CPOX: variants seen among roughly 807,000 people sequenced by gnomAD.
CPOX encodes coproporphyrinogen oxidase, also known as oxygen-dependent coproporphyrinogen-III oxidase, mitochondrial.
CPOX carries 24 observed loss-of-function variants against 48.9 expected under a neutral mutation model. That is an observed-to-expected ratio of 0.49 (90% confidence interval 0.36 to 0.69). CPOX has a LOEUF of 0.69. CPOX is among the 30% of genes least tolerant of loss of function. CPOX has a pLI of 0.00. For missense variants in CPOX, 549 were observed against 597.3 expected, an observed-to-expected ratio of 0.92 and a Z score of 0.84; for synonymous variants, 249 against 234.6, an observed-to-expected ratio of 1.06 and a Z score of -0.56.
downstream of CPOX, among the ~76,000 whole-genome samples, chr3:98,576,439 TGGGGATTTG>T (rs928635663): frequency 2.6e-5 from 4 of 152,178 alleles, no homozygotes; most frequent in African/African-American, 9.7e-5. Flanking sequence ...CCTTGACACC[TGGGGATTTG>T]GGGGATTACA....
the CPOX span, among the ~76,000 whole-genome samples, chr3:98,571,343 A>G: frequency 1.3e-5 from 2 of 152,148 alleles, no homozygotes; most frequent in Non-Finnish European, 2.9e-5. Flanking sequence ...TGATTGAGAA[A>G]TAGTTTATTT....
In CPOX at chr3:98,593,559, C is replaced by T; in HGVS notation, c.-55G>A. Reference sequence around the variant, plus strand: ...TGCGTCCCAGAGCCCTGCGTTTGAGCCCCCCACCCAGACCCCCGGAGTATT... The same window carrying T: ...TGCGTCCCAGAGCCCTGCGTTTGAGTCCCCCACCCAGACCCCCGGAGTATT... On this transcript the variant is annotated 5_prime_UTR_variant, in exon 1 of 7. Transcript: ENST00000647941. The T allele has an allele frequency of 4.1e-6, 6 of 1,479,048 alleles. No individual in the cohort carries two copies. Among genetic ancestry groups the T allele is most frequent in the Non-Finnish European group, 5.4e-6 (6 of 1,110,444 alleles). 91.6% of individuals were successfully genotyped at this position (1,479,048 alleles called of 1,614,324 possible).
At chr3:98,574,348 G>A in the CPOX span, among the ~76,000 whole-genome samples, 31 of 152,268 alleles carry the variant, frequency 2.0e-4, no homozygotes, top group Admixed American at 3.9e-4. Flanking sequence ...ACGAGGGCAC[G>A]TCAGCTGAAG....
At chr3:98,571,249 T>C in the CPOX span, among the ~76,000 whole-genome samples, 1 of 152,230 alleles carries the variant, frequency 6.6e-6, no homozygotes, top group Non-Finnish European at 1.5e-5. Flanking sequence ...ATAGTAGTGA[T>C]ACTGAAGATC....
chr3:98,578,997 T>A (rs180940453), downstream of CPOX, among the ~76,000 whole-genome samples: 2 of 152,340 alleles, frequency 1.3e-5, no homozygotes, highest in Admixed American at 1.3e-4. Flanking sequence ...AGAGTTTTGC[T>A]TCTTCGCAGA....
chr3:98,583,980 C>T (rs1707308983), intron 5 of CPOX, among the ~76,000 whole-genome samples: 1 of 152,328 alleles, frequency 6.6e-6, no homozygotes, highest in African/African-American at 2.4e-5. Flanking sequence ...TACTACCCCA[C>T]AGTTCTGCCT....
chr3:98,579,171 A>G (rs982269517), downstream of CPOX, among the ~76,000 whole-genome samples: 2 of 152,216 alleles, frequency 1.3e-5, no homozygotes, highest in African/African-American at 4.8e-5. Flanking sequence ...GATTTCCTTA[A>G]TAACATTTTC....
chr3:98,583,629 G>C (rs1054648111), intron 5 of CPOX, among the ~76,000 whole-genome samples: 2 of 152,156 alleles, frequency 1.3e-5, no homozygotes, highest in African/African-American at 4.8e-5. Flanking sequence ...TGATGTTCAA[G>C]GTCTGGGGGA....
the CPOX span, among the ~76,000 whole-genome samples, chr3:98,573,116 T>C: frequency 6.6e-6 from 1 of 152,224 alleles, no homozygotes; most frequent in African/African-American, 2.4e-5. Flanking sequence ...AGAATTATGT[T>C]TCCTCTGAGA....
chr3:98,574,728 A>T (rs1339631722), downstream of CPOX, among the ~76,000 whole-genome samples: 3 of 152,112 alleles, frequency 2.0e-5, no homozygotes, highest in Non-Finnish European at 4.4e-5. Flanking sequence ...ACAGGCGCCC[A>T]TCACCACGCC....
In CPOX at chr3:98,580,390, T is replaced by C; in HGVS notation, c.*293A>G. Reference sequence around the variant, plus strand: ...ATTTCCTGATACATATAATACTATTTATATTCCCTTATCTCAATACTTGGA... The same window carrying C: ...ATTTCCTGATACATATAATACTATTCATATTCCCTTATCTCAATACTTGGA... On this transcript the variant is annotated 3_prime_UTR_variant, in exon 7 of 7. Transcript: ENST00000647941. The C allele has an allele frequency of 8.5e-7, 1 of 1,171,818 alleles. No homozygotes were observed. Among genetic ancestry groups the C allele is most frequent in the Non-Finnish European group, 1.1e-6 (1 of 939,042 alleles). The allele number at this position is 1,171,818 out of a possible 1,614,324, so 72.6% of individuals were successfully genotyped here.
chr3:98,579,146 T>A (rs1208133816), downstream of CPOX, among the ~76,000 whole-genome samples: 1 of 152,238 alleles, frequency 6.6e-6, no homozygotes, highest in Non-Finnish European at 1.5e-5. Flanking sequence ...ATAGCAAATA[T>A]ATCTTCTTTC....
Position 98,579,971 on chromosome 3 carries a change from A to C in CPOX, c.*712T>G. On this transcript the variant is annotated 3_prime_UTR_variant, in exon 7 of 7. Coordinates refer to ENST00000647941, the MANE Select transcript of CPOX (RefSeq NM_000097.7). ...TATAAGCTTTCACATTCAAAAGTGC[A>C]GAGAATCCCAACATTAACAAACAAT... 1.0e-6 allele frequency: 1 copy of C among 985,774 alleles called. No homozygotes were observed. The highest frequency in any genetic ancestry group is 1.2e-6 in the Non-Finnish European group (1 of 829,816). The allele number at this position is 985,774 out of a possible 1,614,324, so 61.1% of individuals were successfully genotyped here. A position where few individuals can be genotyped will look rare whatever the true frequency, so the allele number is the denominator to read the frequency against.
downstream of CPOX, among the ~76,000 whole-genome samples, chr3:98,576,274 C>A (rs112037896): frequency 0.017 from 2,530 of 152,174 alleles, 51 homozygotes; most frequent in African/African-American, 0.052. Context: ...AAGCAAGGCA[C>A]CTTCTTCACA....
In CPOX at chr3:98,579,506, A is replaced by G. The variant is rs970955485; in HGVS notation, c.*1177T>C. 6 of 971,856 alleles carry G rather than the reference A, an allele frequency of 6.2e-6. No individual in the cohort carries two copies. The highest frequency in any genetic ancestry group is 7.3e-6 in the Non-Finnish European group (6 of 817,694). 60.2% of individuals were successfully genotyped at this position (971,856 alleles called of 1,614,324 possible). Reference sequence around the variant, plus strand: ...CTCTTGTAAGACAGTTGAAGAATTCATACATTTTCCAGCCCCAAAAAGGCC... The same window carrying G: ...CTCTTGTAAGACAGTTGAAGAATTCGTACATTTTCCAGCCCCAAAAAGGCC... On this transcript the variant is annotated 3_prime_UTR_variant, in exon 7 of 7. Transcript: ENST00000647941.
Position 98,593,208 on chromosome 3 carries a change from C to T in CPOX, c.297G>A (p.Ala99=), listed in dbSNP as rs1278174174. The change falls in exon 1 of 7, where the codon GCG becomes GCA. Residue 99 remains alanine, a synonymous_variant. Transcript: ENST00000647941. ...ATAAFGHVQR[A]EMLPKTSGTR... ...TCCCCGAGGTCTTAGGCAACATCTC[C>T]GCCCGCTGCACATGCCCGAAGGCGG... 2.3e-5 allele frequency: 36 copies of T among 1,591,170 alleles called. No individual in the cohort carries two copies. The highest frequency in any genetic ancestry group is 3.0e-5 in the Non-Finnish European group (35 of 1,169,218).
At chr3:98,571,833 G>GA in the CPOX span, among the ~76,000 whole-genome samples, 8 of 152,164 alleles carry the variant, frequency 5.3e-5, no homozygotes, top group Non-Finnish European at 8.8e-5. Context: ...ACTGGGCTAA[G>GA]AAAAAAAGCT....
intron 1 of CPOX, among the ~76,000 whole-genome samples, chr3:98,591,992 G>GATATAT (rs10535616): frequency 9.5e-5 from 14 of 148,026 alleles, no homozygotes; most frequent in African/African-American, 3.5e-4. Flanking sequence ...TATGTATATG[G>GATATAT]ATATATATAT....
intron 3 of CPOX, 143 bp from the exon 4 acceptor site, chr3:98,588,997 G>A: frequency 1.0e-6 from 1 of 974,920 alleles, no homozygotes; most frequent in Non-Finnish European, 1.6e-6. Context: ...TTTTAGCTCT[G>A]AAGACCAGTA....
Sources: gnomAD v4.1 joint callset for allele counts (sites outside exome capture counted in the v4.1 genomes callset) on GRCh38, gnomAD v4.1.1 for gene constraint, MANE v1.5 for transcripts, NCBI Gene and HGNC (gene_info 2026-07-23, HGNC 2026-07-21) for gene names.